CSMD1: variants seen among roughly 807,000 people sequenced by gnomAD.
The protein encoded by CSMD1 is CUB and sushi domain-containing protein 1.
In CSMD1, 213 loss-of-function variants were observed where a neutral mutation model predicts 417.5. That is an observed-to-expected ratio of 0.51 (90% CI 0.46 to 0.57). The LOEUF (loss-of-function observed/expected upper bound fraction) is 0.57. CSMD1 is among the 20% of genes least tolerant of loss of function. The pLI, the probability that CSMD1 is intolerant of heterozygous loss-of-function variation, is 0.00. For synonymous variants in CSMD1, 2,862 were observed against 1,736.8 expected, an observed-to-expected ratio of 1.65 and a Z score of -16.11; for missense variants, 6,923 against 4,529.7, an observed-to-expected ratio of 1.53 and a Z score of -15.17.
intron 3 of CSMD1, among the ~76,000 whole-genome samples, chr8:4,258,983 T>C (rs1379480051): frequency 6.6e-6 from 1 of 152,186 alleles, no homozygotes. Context: ...TAACTAAGAC[T>C]TTAAAAGATT....
chr8:3,586,104 A>G lies in CSMD1; in HGVS notation c.1222+32T>C, dbSNP rs375882644. On this transcript the variant is annotated intron_variant, in intron 9 of 69. Transcript: ENST00000635120. Reference sequence around the variant, plus strand: ...AAATGCCAACCTTAAAGAAAGAGATAATCCAGGCTTTACCCACCGCAGGTG... The same window carrying G: ...AAATGCCAACCTTAAAGAAAGAGATGATCCAGGCTTTACCCACCGCAGGTG... 1.4e-4 allele frequency: 230 copies of G among 1,594,984 alleles called. No homozygotes were observed. In the African/African-American group the frequency reaches 2.9e-3, roughly 20 times the overall value.
intron 3 of CSMD1, among the ~76,000 whole-genome samples, chr8:4,339,980 C>A (rs538224198): frequency 6.6e-6 from 1 of 152,030 alleles, no homozygotes; most frequent in Non-Finnish European, 1.5e-5. Flanking sequence ...GCGGTGATAG[C>A]AACACTGCAG....
chr8:3,850,478 T>TGAGGTCAA lies in CSMD1; in HGVS notation c.819-96444_819-96437dup, dbSNP rs1254770202. ...GGAAGGCTGAGGCAGGCAGATAACT[T>TGAGGTCAA]GAGGTCAAGAGTTCAAGACCGGCTT... On this transcript the variant is annotated intron_variant, in intron 5 of 69. Coordinates refer to ENST00000635120, the MANE Select transcript of CSMD1 (RefSeq NM_033225.6). 7.2e-5 allele frequency among the ~76,000 whole-genome samples: 11 copies of TGAGGTCAA among 152,264 alleles called. No homozygotes were observed. In the East Asian group the frequency reaches 1.7e-3, roughly 24 times the overall value.
At chr8:4,992,241 C>G (rs1456339036) in intron 1 of CSMD1, among the ~76,000 whole-genome samples, 1 of 152,062 alleles carries the variant, frequency 6.6e-6, no homozygotes, top group Admixed American at 6.5e-5. Context: ...GCCTCCGCCT[C>G]AGCCTCATCC....
intron 3 of CSMD1, among the ~76,000 whole-genome samples, chr8:4,204,617 A>T (rs368262089): frequency 3.9e-4 from 60 of 152,332 alleles, no homozygotes; most frequent in Middle Eastern, 6.8e-3. Context: ...GTGTGTAAGG[A>T]GACAGTAGGC....
chr8:3,606,217 T>C (rs1477211584), intron 8 of CSMD1, among the ~76,000 whole-genome samples: 1 of 152,116 alleles, frequency 6.6e-6, no homozygotes, highest in Admixed American at 6.6e-5. Flanking sequence ...ACTTGTCTTT[T>C]AAGGCCAGGA....
rs550918522 is a variant in CSMD1 at position 3,869,380 on chromosome 8, G to C, written c.819-115338C>G. Among the ~76,000 whole-genome samples the C allele has an allele frequency of 1.1e-3, 163 of 152,238 alleles. 1 individual carries two copies. Among genetic ancestry groups the C allele is most frequent in the African/African-American group, 1.2e-3 (49 of 41,548 alleles). ...TAAAATTATATAATACATAGAGACT[G>C]ATAGGTCTATGAAATTGACTTATTT... On this transcript the variant is annotated intron_variant, in intron 5 of 69. Transcript: ENST00000635120.
chr8:3,499,424 G>A (rs1469375745), intron 10 of CSMD1, among the ~76,000 whole-genome samples: 2 of 152,122 alleles, frequency 1.3e-5, no homozygotes, highest in Admixed American at 1.3e-4. Context: ...TTTTCTGGCA[G>A]TGGTTGGCCT....
intron 3 of CSMD1, among the ~76,000 whole-genome samples, chr8:4,324,873 G>A (rs1020216762): frequency 1.3e-4 from 20 of 152,148 alleles, no homozygotes; most frequent in African/African-American, 4.8e-4. Context: ...ACACCTCAGG[G>A]TCCTGGATCC....
intron 9 of CSMD1, among the ~76,000 whole-genome samples, chr8:3,576,447 G>A (rs908059872): frequency 5.3e-5 from 8 of 152,068 alleles, no homozygotes; most frequent in Non-Finnish European, 8.8e-5. Context: ...TCAGCACTGT[G>A]TACCACGCTG....
intron 2 of CSMD1, among the ~76,000 whole-genome samples, chr8:4,629,218 CTTTA>C (rs1306649283): frequency 2.6e-5 from 4 of 152,088 alleles, no homozygotes; most frequent in Non-Finnish European, 4.4e-5. Context: ...AAAGTTTGTA[CTTTA>C]TTTTGAGAAA....
At chr8:3,533,962 T>A (rs1279660588) in intron 10 of CSMD1, among the ~76,000 whole-genome samples, 2 of 152,198 alleles carry the variant, frequency 1.3e-5, no homozygotes, top group Non-Finnish European at 2.9e-5. Context: ...AGAGGGCACA[T>A]GAAACAAAAT....
At chr8:4,682,950 A>T (rs867442092) in intron 1 of CSMD1, among the ~76,000 whole-genome samples, 1 of 94,714 alleles carries the variant, frequency 1.1e-5, no homozygotes, top group African/African-American at 4.1e-5. Flanking sequence ...AGCAATAAGT[A>T]TCTTCATATA....
chr8:4,947,712 C>T (rs562727552), intron 1 of CSMD1, among the ~76,000 whole-genome samples: 28 of 152,088 alleles, frequency 1.8e-4, no homozygotes, highest in African/African-American at 6.3e-4. Flanking sequence ...TATATTTTGT[C>T]TAAAGTTTGT....
rs1052794769 is a variant in CSMD1 at position 3,932,540 on chromosome 8, C to G, written c.818+65363G>C. On this transcript the variant is annotated intron_variant, in intron 5 of 69. Transcript: ENST00000635120. The stretch of plus-strand genomic sequence containing the variant: ...TAGCCTTATTAAATCAATCAAGCCC[C>G]ACAATTAAAGTTCAATGCATTGCAG... Among the ~76,000 whole-genome samples, 51 of 150,624 alleles carry G rather than the reference C, an allele frequency of 3.4e-4. 1 individual carries two copies. Among genetic ancestry groups the G allele is most frequent in the African/African-American group, 1.0e-3 (42 of 40,900 alleles).
At chr8:4,313,122 G>A (rs1798723308) in intron 3 of CSMD1, among the ~76,000 whole-genome samples, 1 of 152,082 alleles carries the variant, frequency 6.6e-6, no homozygotes, top group African/African-American at 2.4e-5. Context: ...TCCCTTATTG[G>A]TCCCTTAGAC....
At position 4,518,647 on chromosome 8, in the gene CSMD1, A is replaced by G. The variant is rs541199522; in HGVS notation, c.303-98582T>C. Among the ~76,000 whole-genome samples, 40 of 151,358 alleles carry G rather than the reference A, an allele frequency of 2.6e-4. No individual in the cohort carries two copies. In the South Asian group the frequency reaches 7.6e-3, roughly 29 times the overall value. On this transcript the variant is annotated intron_variant, in intron 2 of 69. Transcript: ENST00000635120. ...GGGGGGCGGGGGGAGGAATCGCATT[A>G]GGAGATATACCTAATGCTAAATGAC...
intron 3 of CSMD1, among the ~76,000 whole-genome samples, chr8:4,254,801 G>A (rs1388525031): frequency 6.6e-6 from 1 of 152,120 alleles, no homozygotes; most frequent in Non-Finnish European, 1.5e-5. Flanking sequence ...CAAGGTGACA[G>A]GCTGCACCCC....
intron 5 of CSMD1, among the ~76,000 whole-genome samples, chr8:3,893,661 G>C (rs963436880): frequency 2.6e-4 from 39 of 151,992 alleles, no homozygotes; most frequent in African/African-American, 8.9e-4. Context: ...AGGTAGTCAA[G>C]GAAATGGGCA....
Sources: gnomAD v4.1 joint callset for allele counts (sites outside exome capture counted in the v4.1 genomes callset) on GRCh38, gnomAD v4.1.1 for gene constraint, MANE v1.5 for transcripts, NCBI Gene and HGNC (gene_info 2026-07-23, HGNC 2026-07-21) for gene names.